The following SIPA1L3 variants were observed in gnomAD, a reference collection of about 807,000 sequenced individuals.
The protein encoded by SIPA1L3 is signal induced proliferation associated 1 like 3.
SIPA1L3 carries 59 observed loss-of-function variants against 150.1 expected under a neutral mutation model. The observed-to-expected ratio is 0.39, with a 90% confidence interval of 0.32 to 0.49. The LOEUF (loss-of-function observed/expected upper bound fraction) is 0.49, where lower values mean the gene tolerates loss of function less well. SIPA1L3 is among the 20% of genes least tolerant of loss of function. The pLI, the probability that SIPA1L3 is intolerant of heterozygous loss-of-function variation, is 0.86. For synonymous variants in SIPA1L3, 1,070 were observed against 1,077.6 expected, an observed-to-expected ratio of 0.99 and a Z score of 0.14; for missense variants, 2,211 against 2,489.5, an observed-to-expected ratio of 0.89 and a Z score of 2.38.
intron 1 of SIPA1L3, among the ~76,000 whole-genome samples, chr19:37,962,990 T>A (rs1199482131): frequency 6.6e-6 from 1 of 152,240 alleles, no homozygotes; most frequent in African/African-American, 2.4e-5. Flanking sequence ...AAAATTGTTT[T>A]AATTTTAAGC....
chr19:38,004,889 G>T (rs186385082), intron 1 of SIPA1L3, among the ~76,000 whole-genome samples: 60 of 152,198 alleles, frequency 3.9e-4, no homozygotes, highest in Non-Finnish European at 8.1e-4. Flanking sequence ...CTGTCTTTCT[G>T]CTTTGTATTC....
At chr19:38,190,252 C>T (rs940470589) in intron 16 of SIPA1L3, among the ~76,000 whole-genome samples, 9 of 152,166 alleles carry the variant, frequency 5.9e-5, no homozygotes, top group Non-Finnish European at 1.3e-4. Flanking sequence ...GGGAGATGGG[C>T]ACCATGAGCC....
In SIPA1L3 at chr19:38,065,987, CTTATTTAT is replaced by C. The variant is rs56249728; in HGVS notation, c.-310-15234_-310-15227del. Reference sequence around the variant, plus strand: ...TTGCTCTGTTGCCCGGGCTTGATCTCTTATTTATTTATTTATTTATTTATTTATTTATT... The same window carrying C: ...TTGCTCTGTTGCCCGGGCTTGATCTCTTATTTATTTATTTATTTATTTATT... On this transcript the variant is annotated intron_variant, in intron 2 of 21. Coordinates refer to ENST00000222345, the MANE Select transcript of SIPA1L3 (RefSeq NM_015073.3). Among the ~76,000 whole-genome samples the C allele has an allele frequency of 1.9e-3, 230 of 121,352 alleles. 2 individuals are homozygous for C. Among genetic ancestry groups the C allele is most frequent in the East Asian group, 4.7e-3 (20 of 4,300 alleles). The allele number at this position is 121,352 out of a possible 152,430, so 79.6% of individuals were successfully genotyped here.
At chr19:38,033,084 A>T (rs1413466812) in intron 2 of SIPA1L3, among the ~76,000 whole-genome samples, 1 of 152,180 alleles carries the variant, frequency 6.6e-6, no homozygotes, top group Non-Finnish European at 1.5e-5. Flanking sequence ...CAGTCAAATC[A>T]TCTCCCTTCT....
rs560572029 is a variant in SIPA1L3, at chr19:38,187,483, C to T, written c.4431-4662C>T. 2.3e-4 allele frequency among the ~76,000 whole-genome samples: 34 copies of T among 150,332 alleles called. No homozygotes were observed. The East Asian group carries it at 5.5e-3, about 24-fold the overall frequency. ...AAAGACAAAAGGCACTTTGGGAGGCCGAGGCGGGTGGATCACGAGGTCAGG... is the reference window on the plus strand; with the variant it reads ...AAAGACAAAAGGCACTTTGGGAGGCTGAGGCGGGTGGATCACGAGGTCAGG... On this transcript the variant is annotated intron_variant, in intron 16 of 21. Coordinates refer to ENST00000222345, the MANE Select transcript of SIPA1L3 (RefSeq NM_015073.3).
chr19:38,182,060 G>A (rs1256944779), intron 15 of SIPA1L3, among the ~76,000 whole-genome samples: 5 of 150,782 alleles, frequency 3.3e-5, no homozygotes, highest in African/African-American at 1.2e-4. Context: ...ATGATCACTT[G>A]AGGCTGGGAG....
At chr19:38,167,803 G>A (rs1306261099) in intron 15 of SIPA1L3, among the ~76,000 whole-genome samples, 5 of 152,122 alleles carry the variant, frequency 3.3e-5, no homozygotes, top group South Asian at 2.1e-4. Flanking sequence ...GGGCTCAAGC[G>A]ATGCTCCCAT....
At chr19:37,919,860 G>A (rs886140699) in intron 1 of SIPA1L3, among the ~76,000 whole-genome samples, 5 of 151,772 alleles carry the variant, frequency 3.3e-5, no homozygotes, top group East Asian at 3.9e-4. Flanking sequence ...ATAGGCATGC[G>A]CCACCATGCC....
intron 21 of SIPA1L3, among the ~76,000 whole-genome samples, chr19:38,204,480 T>C (rs1973163754): frequency 6.6e-6 from 1 of 152,136 alleles, no homozygotes. Flanking sequence ...ACAAAAAAAC[T>C]GTGGCTGGGC....
chr19:38,205,903 C>T (rs1221232447), intron 21 of SIPA1L3, among the ~76,000 whole-genome samples, 194 bp from the exon 22 acceptor site: 4 of 152,200 alleles, frequency 2.6e-5, no homozygotes, highest in African/African-American at 7.2e-5. Flanking sequence ...GGTAGAGTTG[C>T]GGGAACCAAG....
At chr19:38,077,934 G>A (rs1187332801) in intron 2 of SIPA1L3, among the ~76,000 whole-genome samples, 5 of 152,014 alleles carry the variant, frequency 3.3e-5, no homozygotes, top group Admixed American at 6.6e-5. Flanking sequence ...GCCTCCCAAA[G>A]TGCTGGGGTT....
At chr19:38,075,326 C>G (rs546205686) in intron 2 of SIPA1L3, among the ~76,000 whole-genome samples, 1 of 152,052 alleles carries the variant, frequency 6.6e-6, no homozygotes, top group Non-Finnish European at 1.5e-5. Flanking sequence ...CGTGGTGGCA[C>G]ATGCCTGTAA....
intron 1 of SIPA1L3, among the ~76,000 whole-genome samples, chr19:38,001,306 C>A (rs544521173): frequency 6.6e-6 from 1 of 152,216 alleles, no homozygotes; most frequent in South Asian, 2.1e-4. Context: ...AAACTCCATT[C>A]TTCCGCCTGC....
chr19:37,982,515 G>A (rs1289387524), intron 1 of SIPA1L3, among the ~76,000 whole-genome samples: 1 of 152,218 alleles, frequency 6.6e-6, no homozygotes, highest in Admixed American at 6.5e-5. Context: ...GTAGCCCTAT[G>A]AGGTGGGACA....
At chr19:37,985,216 G>A (rs1216156685) in intron 1 of SIPA1L3, among the ~76,000 whole-genome samples, 10 of 147,684 alleles carry the variant, frequency 6.8e-5, no homozygotes, top group Admixed American at 6.1e-4. Flanking sequence ...TTTTTTTTGA[G>A]TGTGGGTCTC....
intron 3 of SIPA1L3, among the ~76,000 whole-genome samples, chr19:38,085,903 G>A (rs545482222): frequency 2.6e-5 from 4 of 152,216 alleles, no homozygotes; most frequent in South Asian, 2.1e-4. Flanking sequence ...GGCTGAGGCC[G>A]GAGAATCGCT....
At chr19:38,088,877 T>C (rs1203586200) in intron 4 of SIPA1L3, 26 bp downstream of exon 4, 1 of 1,609,212 alleles carries the variant, frequency 6.2e-7, no homozygotes, top group African/African-American at 1.3e-5. Flanking sequence ...CTCGTTCTTA[T>C]TAAAGAAATC....
At chr19:38,092,911 G>A (rs1163183161) in intron 4 of SIPA1L3, among the ~76,000 whole-genome samples, 2 of 149,938 alleles carry the variant, frequency 1.3e-5, no homozygotes, top group African/African-American at 4.9e-5. Flanking sequence ...CCAGGCTGGA[G>A]GGCAGTGGCG....
At chr19:38,032,385 G>T (rs1009385101) in intron 2 of SIPA1L3, among the ~76,000 whole-genome samples, 1 of 152,132 alleles carries the variant, frequency 6.6e-6, no homozygotes, top group African/African-American at 2.4e-5. Flanking sequence ...ACATGAACAG[G>T]TTTCGTTTGT....
Sources: allele counts gnomAD v4.1 joint callset (sites outside exome capture counted in the v4.1 genomes callset), GRCh38; gene constraint gnomAD v4.1.1; transcripts MANE v1.5; gene names NCBI Gene and HGNC (gene_info 2026-07-23, HGNC 2026-07-21).